DNAJC10: variants seen among roughly 807,000 people sequenced by gnomAD.
DNAJC10 encodes the protein DnaJ heat shock protein family (Hsp40) member C10, also known as endoplasmic reticulum disulfide reductase DNAJC10.
Under a neutral mutation model 115.0 loss-of-function variants are expected in DNAJC10, and 101 were observed. The ratio of observed to expected loss-of-function variants is 0.88; its 90% CI spans 0.75 to 1.04. The LOEUF (loss-of-function observed/expected upper bound fraction) is 1.04, where lower values mean the gene tolerates loss of function less well. Ranked by LOEUF, DNAJC10 falls within the 50% of genes least tolerant of loss-of-function variation. The pLI is 0.00. For missense variants in DNAJC10, 981 were observed against 928.8 expected, an observed-to-expected ratio of 1.06 and a Z score of -0.73; for synonymous variants, 307 against 301.5, an observed-to-expected ratio of 1.02 and a Z score of -0.19.
chr2:182,758,282 T>C (rs987963199), intron 19 of DNAJC10, among the ~76,000 whole-genome samples: 4 of 152,154 alleles, frequency 2.6e-5, no homozygotes, highest in African/African-American at 7.2e-5. Context: ...TAAGTTGAAG[T>C]TGAGGTTTGA....
At chr2:182,742,603 G>A (rs1311246029) in intron 13 of DNAJC10, among the ~76,000 whole-genome samples, 3 of 152,136 alleles carry the variant, frequency 2.0e-5, no homozygotes, top group Non-Finnish European at 4.4e-5. Context: ...CACGTGAGTG[G>A]CCATTTCTCC....
chr2:182,762,572 G>A (rs2105688974), intron 21 of DNAJC10, 110 bp from the exon 22 acceptor site: 1 of 1,190,138 alleles, frequency 8.4e-7, no homozygotes, highest in African/African-American at 1.6e-5. Context: ...AAGAATTAAA[G>A]TTTTTTAAAT....
chr2:182,771,714 C>G (rs1290781536), intron 22 of DNAJC10, among the ~76,000 whole-genome samples: 1 of 151,988 alleles, frequency 6.6e-6, no homozygotes, highest in Non-Finnish European at 1.5e-5. Context: ...TGATTCTTCT[C>G]TCTTTTCCTA....
intron 5 of DNAJC10, among the ~76,000 whole-genome samples, chr2:182,723,079 A>AC (rs1303992413): frequency 2.7e-5 from 3 of 112,894 alleles, no homozygotes; most frequent in Non-Finnish European, 5.0e-5. Flanking sequence ...TTGCTTTGTC[A>AC]CCCAGACCAG....
chr2:182,761,789 T>C (rs1478544537), intron 21 of DNAJC10, among the ~76,000 whole-genome samples: 1 of 152,080 alleles, frequency 6.6e-6, no homozygotes, highest in Non-Finnish European at 1.5e-5. Context: ...CATCAGCATA[T>C]AGATATGTAA....
At position 182,778,690 on chromosome 2, in the gene DNAJC10, A is replaced by G. The variant is rs547409549; in HGVS notation, c.*1558A>G. On this transcript the variant is annotated 3_prime_UTR_variant, in exon 24 of 24. Coordinates refer to ENST00000264065, the MANE Select transcript of DNAJC10 (RefSeq NM_018981.4). ...TTTCGCTACTATATACTCTGTCTGGATTCTGCTGTATGCCTGTTGGCATAT... is the reference window on the plus strand; with the variant it reads ...TTTCGCTACTATATACTCTGTCTGGGTTCTGCTGTATGCCTGTTGGCATAT... The G allele has an allele frequency of 1.3e-5, 2 of 152,158 alleles. No individual in the cohort carries two copies. The highest frequency in any genetic ancestry group is 3.9e-4 in the East Asian group (2 of 5,184). 9.4% of individuals were successfully genotyped at this position (152,158 alleles called of 1,614,324 possible).
At chr2:182,738,479 A>G (rs566448588) in intron 11 of DNAJC10, among the ~76,000 whole-genome samples, 19 of 152,288 alleles carry the variant, frequency 1.2e-4, no homozygotes, top group Non-Finnish European at 2.6e-4. Flanking sequence ...GACTCTGGAA[A>G]TGTAATAACA....
chr2:182,776,714 G>C (rs12474435), intron 23 of DNAJC10, among the ~76,000 whole-genome samples: 1 of 152,190 alleles, frequency 6.6e-6, no homozygotes, highest in African/African-American at 2.4e-5. Context: ...TATTTTCTTG[G>C]TTCCACTGAA....
chr2:182,751,849 C>A, intron 15 of DNAJC10, 64 bp downstream of exon 15: 2 of 1,565,308 alleles, frequency 1.3e-6, no homozygotes, highest in South Asian at 2.4e-5. Flanking sequence ...GGCAAAAAGA[C>A]ATTTTCTAGA....
rs1409820835 is a variant in DNAJC10, at chr2:182,786,231, C to T, written c.*9099C>T. On this transcript the variant is annotated 3_prime_UTR_variant, in exon 24 of 24. Coordinates refer to ENST00000264065, the MANE Select transcript of DNAJC10 (RefSeq NM_018981.4). ...AATCAACTGCCAGGAAATCAGTTTACCTGTTAGAGGTAGAAAAGTTACAGG... is the reference window on the plus strand; with the variant it reads ...AATCAACTGCCAGGAAATCAGTTTATCTGTTAGAGGTAGAAAAGTTACAGG... The T allele has an allele frequency of 6.6e-6, 1 of 152,120 alleles. No individual in the cohort carries two copies. The highest frequency in any genetic ancestry group is 1.5e-5 in the Non-Finnish European group (1 of 68,034). The allele number at this position is 152,120 out of a possible 1,614,324, so 9.4% of individuals were successfully genotyped here.
chr2:182,759,275 A>C lies in DNAJC10; in HGVS notation c.2113A>C (p.Asn705His). The C allele has an allele frequency of 6.2e-7, 1 of 1,610,192 alleles. No individual in the cohort carries two copies. Among genetic ancestry groups the C allele is most frequent in the Non-Finnish European group, 8.5e-7 (1 of 1,179,168 alleles). ...TGCTCCTTGGTGTGGACCTTGCCAGAATTTTGCTCCAGAATTTGAGCTCTT... is the reference window on the plus strand; with the variant it reads ...TGCTCCTTGGTGTGGACCTTGCCAGCATTTTGCTCCAGAATTTGAGCTCTT... ...FYAPWCGPCQ[N>H]FAPEFELLAR... The change falls in exon 21 of 24, where the codon AAT (asparagine) becomes CAT (histidine). Residue 705 changes from asparagine to histidine, a missense_variant. Asn to His is a moderately conservative substitution (Grantham distance 68, BLOSUM62 1). Coordinates refer to ENST00000264065, the MANE Select transcript of DNAJC10 (RefSeq NM_018981.4).
intron 11 of DNAJC10, 84 bp from the exon 12 acceptor site, chr2:182,740,215 T>C: frequency 8.4e-7 from 1 of 1,190,026 alleles, no homozygotes; most frequent in African/African-American, 1.6e-5. Context: ...CTAAAAATAC[T>C]ACATTGGAAA....
chr2:182,753,647 A>G (rs1694084541), intron 16 of DNAJC10, among the ~76,000 whole-genome samples: 1 of 131,954 alleles, frequency 7.6e-6, no homozygotes, highest in Admixed American at 8.5e-5. Context: ...CAGTGGTGCA[A>G]TCTCAGCTCA....
intron 22 of DNAJC10, 38 bp from the exon 23 acceptor site, chr2:182,775,278 T>C (rs771025995): frequency 2.4e-6 from 3 of 1,268,634 alleles, no homozygotes; most frequent in Non-Finnish European, 3.4e-6. Flanking sequence ...TATGTTTTTA[T>C]TAAATACTTA....
rs1430162633 is a variant in DNAJC10, at chr2:182,779,299, G to A, written c.*2167G>A. On this transcript the variant is annotated 3_prime_UTR_variant, in exon 24 of 24. Transcript: ENST00000264065. ...AATGGCTATATTGATACAGTAGATA[G>A]AGCACCTCTAAGGAGTACCAGGTAT... 1 of 152,196 alleles carries A rather than the reference G, an allele frequency of 6.6e-6. No individual in the cohort carries two copies. Among genetic ancestry groups the A allele is most frequent in the Non-Finnish European group, 1.5e-5 (1 of 68,048 alleles). 9.4% of individuals were successfully genotyped at this position (152,196 alleles called of 1,614,324 possible). A position where few individuals can be genotyped will look rare whatever the true frequency, so the allele number is the denominator to read the frequency against.
intron 14 of DNAJC10, among the ~76,000 whole-genome samples, chr2:182,745,889 T>TC (rs1394593900): frequency 2.6e-5 from 4 of 151,002 alleles, no homozygotes; most frequent in African/African-American, 9.8e-5. Flanking sequence ...GTCTCCCCAC[T>TC]CCCCCCACCC....
chr2:182,786,364 C>T lies in DNAJC10; in HGVS notation c.*9232C>T, dbSNP rs1286982797. ...TCAGCGTGGAGCCTGAGCATCATTT[C>T]ACCATTTTGAGCCTCAAGCTCTCAA... is the stretch of plus-strand genomic sequence containing the variant. On this transcript the variant is annotated 3_prime_UTR_variant, in exon 24 of 24. Transcript: ENST00000264065. The T allele has an allele frequency of 6.6e-6, 1 of 152,160 alleles. No individual in the cohort carries two copies. The highest frequency in any genetic ancestry group is 1.9e-4 in the East Asian group (1 of 5,198). The allele number at this position is 152,160 out of a possible 1,614,324, so 9.4% of individuals were successfully genotyped here. A position where few individuals can be genotyped will look rare whatever the true frequency, so the allele number is the denominator to read the frequency against.
In DNAJC10 at chr2:182,743,585, T is replaced by C. The variant is rs1278649424; in HGVS notation, c.1192-13T>C. On this transcript the variant is annotated splice_polypyrimidine_tract_variant and intron_variant, in intron 13 of 23. Coordinates refer to ENST00000264065, the MANE Select transcript of DNAJC10 (RefSeq NM_018981.4). ...ACAGTGTTTTTATCAAATTTGACCT[T>C]TTTCTCCTTTAGGTTGGCAGGTTTG... 6.3e-7 allele frequency: 1 copy of C among 1,589,314 alleles called. No homozygotes were observed. Among genetic ancestry groups the C allele is most frequent in the Non-Finnish European group, 8.6e-7 (1 of 1,159,398 alleles).
chr2:182,771,603 G>C (rs1342679068), intron 22 of DNAJC10, among the ~76,000 whole-genome samples: 1 of 152,152 alleles, frequency 6.6e-6, no homozygotes, highest in Admixed American at 6.5e-5. Context: ...AGCTTTTCTA[G>C]TTTATTTGTG....
Sources: gnomAD v4.1 joint callset for allele counts (sites outside exome capture counted in the v4.1 genomes callset) on GRCh38, gnomAD v4.1.1 for gene constraint, MANE v1.5 for transcripts, NCBI Gene and HGNC (gene_info 2026-07-23, HGNC 2026-07-21) for gene names.